Variants in DCLK1 observed in about 807,000 individuals in gnomAD.
The protein encoded by DCLK1 is serine/threonine-protein kinase DCLK1.
Under a neutral mutation model 86.2 loss-of-function variants are expected in DCLK1, and 16 were observed. That is an observed-to-expected ratio of 0.19 (90% CI 0.13 to 0.28). The LOEUF (loss-of-function observed/expected upper bound fraction) is 0.28, where lower values mean the gene tolerates loss of function less well. DCLK1 is among the 10% of genes least tolerant of loss of function. The probability of loss-of-function intolerance (pLI) is 1.00; values close to 1 mark genes in which losing one functional copy is unlikely to be tolerated. For synonymous variants in DCLK1, 369 were observed against 370.5 expected (o/e 1.00, Z 0.05); for missense variants, 590 against 940.2 (o/e 0.63, Z 4.87).
chr13:35,935,887 G>T (rs1273693936), intron 4 of DCLK1, among the ~76,000 whole-genome samples: 1 of 151,954 alleles, frequency 6.6e-6, no homozygotes, highest in African/African-American at 2.4e-5. Flanking sequence ...TCCTTCAAAG[G>T]CTTTGCTTAT....
intron 3 of DCLK1, among the ~76,000 whole-genome samples, chr13:36,084,625 T>C (rs1441597562): frequency 6.6e-6 from 1 of 152,188 alleles, no homozygotes; most frequent in African/African-American, 2.4e-5. Context: ...AGAAGTTAAT[T>C]ACACTTGTGA....
At chr13:35,841,570 T>TA (rs1869795091) in intron 6 of DCLK1, among the ~76,000 whole-genome samples, 1 of 152,146 alleles carries the variant, frequency 6.6e-6, no homozygotes, top group South Asian at 2.1e-4. Context: ...TGCTTATGTT[T>TA]ATAACTGCTT....
chr13:35,841,256 A>G (rs1221925663), intron 6 of DCLK1, among the ~76,000 whole-genome samples: 1 of 152,236 alleles, frequency 6.6e-6, no homozygotes. Context: ...GATGTTCACA[A>G]TTTAGACACT....
chr13:36,019,449 T>C (rs1374208457), intron 3 of DCLK1, among the ~76,000 whole-genome samples: 1 of 152,216 alleles, frequency 6.6e-6, no homozygotes, highest in African/African-American at 2.4e-5. Flanking sequence ...ATCAAAAGTA[T>C]TGTCAGCCTG....
chr13:35,931,370 G>T (rs1195233342), intron 4 of DCLK1, among the ~76,000 whole-genome samples: 1 of 152,130 alleles, frequency 6.6e-6, no homozygotes, highest in East Asian at 1.9e-4. Context: ...CTACAAGGAG[G>T]TTCAAATATT....
At chr13:35,860,802 G>A (rs906663179) in intron 5 of DCLK1, among the ~76,000 whole-genome samples, 5 of 152,178 alleles carry the variant, frequency 3.3e-5, no homozygotes, top group African/African-American at 1.2e-4. Flanking sequence ...AGTACTGCAG[G>A]GCTGGGGAAG....
intron 3 of DCLK1, among the ~76,000 whole-genome samples, chr13:36,027,005 G>A (rs1300223398): frequency 1.3e-5 from 2 of 152,034 alleles, no homozygotes; most frequent in Admixed American, 6.6e-5. Context: ...TTCTTTTATT[G>A]ATTTTTTTCT....
intron 2 of DCLK1, among the ~76,000 whole-genome samples, chr13:36,116,195 C>A (rs942856253): frequency 1.3e-5 from 2 of 152,006 alleles, no homozygotes; most frequent in Non-Finnish European, 2.9e-5. Flanking sequence ...AGTGATCCGC[C>A]CACCTCAGCC....
intron 11 of DCLK1, among the ~76,000 whole-genome samples, chr13:35,821,025 C>T (rs7332500): frequency 0.045 from 6,788 of 152,222 alleles, 504 homozygotes; most frequent in African/African-American, 0.15. Context: ...CTCAGTTAAC[C>T]TCTCCTTAAT....
intron 3 of DCLK1, among the ~76,000 whole-genome samples, chr13:36,094,579 G>A (rs1884938473): frequency 6.6e-6 from 1 of 152,100 alleles, no homozygotes; most frequent in Non-Finnish European, 1.5e-5. Flanking sequence ...TCCTTTTTAA[G>A]GAAAAAGTTT....
rs2086321362 is a variant in DCLK1, at chr13:35,770,962, G to C, written c.*3573C>G. 1 of 152,178 alleles carries C rather than the reference G, an allele frequency of 6.6e-6. No individual in the cohort carries two copies. The highest frequency in any genetic ancestry group is 2.4e-5 in the African/African-American group (1 of 41,426). 9.4% of individuals were successfully genotyped at this position (152,178 alleles called of 1,614,324 possible). On this transcript the variant is annotated 3_prime_UTR_variant, in exon 17 of 17. Coordinates refer to ENST00000360631, the MANE Select transcript of DCLK1 (RefSeq NM_001330071.2). ...TCAAATTAAAAACCTTTGAGAATAG[G>C]AGTTTATCATAGAAATGCTGACAGA... is the stretch of plus-strand genomic sequence containing the variant.
rs200859254 is a variant in DCLK1, at chr13:35,939,937, T to C, written c.823+7421A>G. Among the ~76,000 whole-genome samples, 9 of 152,314 alleles carry C rather than the reference T, an allele frequency of 5.9e-5. No individual in the cohort carries two copies. The East Asian group carries it at 1.4e-3, about 23-fold the overall frequency. On this transcript the variant is annotated intron_variant, in intron 4 of 16. Coordinates refer to ENST00000360631, the MANE Select transcript of DCLK1 (RefSeq NM_001330071.2). ...AGAGATAAAAGCCACTAGAATAATA[T>C]GCAATATTTAATATTCTGGGTCAAA...
At chr13:35,837,908 A>G (rs1869502316) in intron 7 of DCLK1, among the ~76,000 whole-genome samples, 1 of 151,944 alleles carries the variant, frequency 6.6e-6, no homozygotes, top group Admixed American at 6.6e-5. Context: ...TCTACTAAAA[A>G]TACAAAAATT....
chr13:36,072,367 A>T (rs1449819485), intron 3 of DCLK1, among the ~76,000 whole-genome samples: 1 of 151,994 alleles, frequency 6.6e-6, no homozygotes, highest in African/African-American at 2.4e-5. Flanking sequence ...TCTTTTTCCC[A>T]TCTCTTAATT....
chr13:35,854,192 T>A (rs1870878159), intron 6 of DCLK1, among the ~76,000 whole-genome samples: 1 of 152,104 alleles, frequency 6.6e-6, no homozygotes, highest in Non-Finnish European at 1.5e-5. Flanking sequence ...ATCAAACTCA[T>A]CACAACTAAG....
chr13:35,899,985 C>T (rs1488454064), intron 4 of DCLK1, among the ~76,000 whole-genome samples: 2 of 152,086 alleles, frequency 1.3e-5, no homozygotes, highest in Non-Finnish European at 2.9e-5. Context: ...ACAGCTTTCT[C>T]TAAAATCATA....
At chr13:36,131,394 CG>C, upstream of DCLK1, 1 of 195,754 alleles carries the variant, frequency 5.1e-6, no homozygotes, top group Non-Finnish European at 1.0e-5. Flanking sequence ...GCGGCGGCGG[CG>C]GGCGCGCTCC....
At chr13:35,928,849 T>C (rs988379486) in intron 4 of DCLK1, among the ~76,000 whole-genome samples, 2 of 152,238 alleles carry the variant, frequency 1.3e-5, no homozygotes, top group Admixed American at 1.3e-4. Flanking sequence ...TATATTGAGC[T>C]ATGCTAATTT....
At chr13:35,867,901 AAG>A (rs1391774215) in intron 5 of DCLK1, among the ~76,000 whole-genome samples, 2 of 124,050 alleles carry the variant, frequency 1.6e-5, no homozygotes, top group African/African-American at 6.5e-5. Flanking sequence ...GAAAGAGAGA[AAG>A]AAAGAAAAAG....
Sources: gnomAD v4.1 joint callset for allele counts (sites outside exome capture counted in the v4.1 genomes callset) on GRCh38, gnomAD v4.1.1 for gene constraint, MANE v1.5 for transcripts, NCBI Gene and HGNC (gene_info 2026-07-23, HGNC 2026-07-21) for gene names.